Variants in BCL6 observed in about 807,000 individuals in gnomAD.
BCL6 encodes B-cell lymphoma 6 protein.
Under a neutral mutation model 59.5 loss-of-function variants are expected in BCL6, and 7 were observed. The observed-to-expected ratio is 0.12, with a 90% CI of 0.07 to 0.22. The LOEUF (loss-of-function observed/expected upper bound fraction) is 0.22. BCL6 is among the 10% of genes least tolerant of loss of function. The pLI is 1.00. For synonymous variants in BCL6, 339 were observed against 349.7 expected, an observed-to-expected ratio of 0.97 and a Z score of 0.34; for missense variants, 685 against 939.4, an observed-to-expected ratio of 0.73 and a Z score of 3.54.
At position 187,725,814 on chromosome 3, in the gene BCL6, C is replaced by G. The variant is rs551371832; in HGVS notation, c.1709-185G>C. On this transcript the variant is annotated intron_variant, in intron 7 of 9. Coordinates refer to ENST00000406870, the MANE Select transcript of BCL6 (RefSeq NM_001706.5). The surrounding 1 kb of genome is among the most constrained non-coding windows in gnomAD (Gnocchi z 4.7). ...CCACATCTGTCAGCCCTCTCTCACA[C>G]ACGCACCTGCATACCTCGCAGGGGA... Among the ~76,000 whole-genome samples the G allele has an allele frequency of 7.2e-5, 11 of 152,222 alleles. No homozygotes were observed. Among genetic ancestry groups the G allele is most frequent in the Non-Finnish European group, 1.5e-4 (10 of 68,036 alleles).
Position 187,726,735 on chromosome 3 carries a change from A to G in BCL6, c.1704T>C (p.His568=). 1 of 1,613,834 alleles carries G rather than the reference A, an allele frequency of 6.2e-7. No individual in the cohort carries two copies. Among genetic ancestry groups the G allele is most frequent in the South Asian group, 1.1e-5 (1 of 91,050 alleles). The stretch of plus-strand genomic sequence containing the variant: ...TCGTGTGGGGCAGGGCCATACCGGT[A>G]TGGACGGTCTTGTGGCTGGCGAGGT... ...KGNLASHKTV[H]TGEKPYRCNI... is the part of the protein sequence containing the mutation. The change falls in exon 7 of 10, where the codon CAT becomes CAC. Residue 568 remains histidine, a synonymous_variant. Coordinates refer to ENST00000406870, the MANE Select transcript of BCL6 (RefSeq NM_001706.5).
In BCL6 at chr3:187,725,902, G is replaced by A. The variant is rs1188795625; in HGVS notation, c.1709-273C>T. 6.6e-6 allele frequency among the ~76,000 whole-genome samples: 1 copy of A among 152,214 alleles called. No individual in the cohort carries two copies. The highest frequency in any genetic ancestry group is 6.5e-5 in the Admixed American group (1 of 15,278). On this transcript the variant is annotated intron_variant, in intron 7 of 9. Coordinates refer to ENST00000406870, the MANE Select transcript of BCL6 (RefSeq NM_001706.5). The surrounding 1 kb of genome is among the most constrained non-coding windows in gnomAD (Gnocchi z 4.7). ...CAATGCCAGGTGTGGGATAGGAGAG[G>A]GGGAGATTCCAGGAAGCCTGGGCTT...
intron 4 of BCL6, 133 bp from the exon 5 acceptor site, chr3:187,730,154 G>A: frequency 7.9e-7 from 1 of 1,262,310 alleles, no homozygotes; most frequent in Non-Finnish European, 1.1e-6. Context: ...TCTGGAGCAG[G>A]GAACCACAAT....
intron 9 of BCL6, among the ~76,000 whole-genome samples, chr3:187,723,675 C>G (rs1016253052): frequency 5.9e-5 from 9 of 152,106 alleles, no homozygotes; most frequent in African/African-American, 2.2e-4. Flanking sequence ...TGAGCAGGGC[C>G]ATGTGTAAAC....
At position 187,745,143 on chromosome 3, in the gene BCL6, C is replaced by T. The variant is rs554027355; in HGVS notation, c.-50+267G>A. ...AACAATAATAATAATAAATACATAACAATCTATATCCTATGGTGGGAGAGA... is the reference window on the plus strand; with the variant it reads ...AACAATAATAATAATAAATACATAATAATCTATATCCTATGGTGGGAGAGA... On this transcript the variant is annotated intron_variant, in intron 1 of 9. Coordinates refer to ENST00000406870, the MANE Select transcript of BCL6 (RefSeq NM_001706.5). Among the ~76,000 whole-genome samples, 7 of 152,162 alleles carry T rather than the reference C, an allele frequency of 4.6e-5. No individual in the cohort carries two copies. In the East Asian group the frequency reaches 5.8e-4, roughly 13 times the overall value.
chr3:187,745,022 C>T (rs935183172), intron 1 of BCL6, among the ~76,000 whole-genome samples: 6 of 151,888 alleles, frequency 4.0e-5, no homozygotes, highest in South Asian at 4.2e-4. Context: ...CCCCCTAATT[C>T]CCCTCCTTCC....
At chr3:187,744,223 A>T (rs577976051) in intron 1 of BCL6, among the ~76,000 whole-genome samples, 1 of 152,134 alleles carries the variant, frequency 6.6e-6, no homozygotes, top group African/African-American at 2.4e-5. Context: ...AGCGGCCAGA[A>T]ATCCCGCCAC....
intron 1 of BCL6, among the ~76,000 whole-genome samples, chr3:187,745,119 A>G (rs71322492): frequency 2.6e-5 from 4 of 152,246 alleles, no homozygotes; most frequent in Middle Eastern, 3.4e-3. Context: ...CTCAAAGACA[A>G]CAATAATAAT....
chr3:187,723,564 T>A (rs1199976975), intron 9 of BCL6, among the ~76,000 whole-genome samples: 1 of 152,214 alleles, frequency 6.6e-6, no homozygotes, highest in African/African-American at 2.4e-5. Context: ...AACTTTTCTA[T>A]AAATCTAAAA....
In BCL6 at chr3:187,721,597, C is replaced by CCAT. The variant is rs1200820607; in HGVS notation, c.*858_*860dup. The CCAT allele has an allele frequency of 4.3e-6, 1 of 233,080 alleles. No homozygotes were observed. Among genetic ancestry groups the CCAT allele is most frequent in the Non-Finnish European group, 8.5e-6 (1 of 117,792 alleles). 14.4% of individuals were successfully genotyped at this position (233,080 alleles called of 1,614,324 possible). ...TCAAAAAGGGATGGTGCACGCTCGCCCATCATTGAAAACTTCCGTGAAAAA... is the reference window on the plus strand; with the variant it reads ...TCAAAAAGGGATGGTGCACGCTCGCCCATCATCATTGAAAACTTCCGTGAAAAA... On this transcript the variant is annotated 3_prime_UTR_variant, in exon 10 of 10. Transcript: ENST00000406870. This position sits in a 1 kb window ranked among gnomAD's most constrained non-coding sequence, Gnocchi z 4.2.
chr3:187,734,550 C>G (rs1443933466), intron 2 of BCL6: 1 of 152,232 alleles, frequency 6.6e-6, no homozygotes, highest in African/African-American at 2.4e-5. Flanking sequence ...TTCATCATCT[C>G]AGTCACCATT....
At chr3:187,732,307 T>A (rs1719086188) in intron 3 of BCL6, 5 of 395,298 alleles carry the variant, frequency 1.3e-5, no homozygotes, top group South Asian at 7.8e-5. Context: ...TCTACCTTTG[T>A]CATAAGCATT....
chr3:187,731,782 C>T lies in BCL6; in HGVS notation c.310G>A (p.Ala104Thr). 1.2e-6 allele frequency: 2 copies of T among 1,614,166 alleles called. No homozygotes were observed. The highest frequency in any genetic ancestry group is 1.7e-6 in the Non-Finnish European group (2 of 1,180,044). ...AGGTACATAGCCGTGGCCATCACAG[C>T]CATGATGTTGCCCTCCCGCAAATTG... ...RLNLREGNIMAVMATAMYLQM... is the reference protein window; with the variant it reads ...RLNLREGNIMTVMATAMYLQM... Residue 104 changes from alanine to threonine, a missense_variant, in exon 4 of 10, where the codon GCT (alanine) becomes ACT (threonine). Coordinates refer to ENST00000406870, the MANE Select transcript of BCL6 (RefSeq NM_001706.5).
At chr3:187,745,270 G>A (rs184021716) in intron 1 of BCL6, 140 bp downstream of exon 1, 4 of 398,180 alleles carry the variant, frequency 1.0e-5, no homozygotes, top group South Asian at 2.5e-4. Context: ...TGGAGCCAAA[G>A]CATTTGGCAA....
At chr3:187,737,130 C>T (rs533517612) in intron 1 of BCL6, 2 of 152,354 alleles carry the variant, frequency 1.3e-5, no homozygotes, top group South Asian at 4.1e-4. Context: ...GACTTCCCAT[C>T]CCAATCTCCC....
At chr3:187,728,644 T>C in intron 5 of BCL6, 100 bp from the exon 6 acceptor site, 1 of 1,235,894 alleles carries the variant, frequency 8.1e-7, no homozygotes, top group Non-Finnish European at 1.1e-6. Flanking sequence ...AGAGCTGGGC[T>C]GCCCACTCAA....
At chr3:187,730,300 T>C (rs1192054680) in intron 4 of BCL6, among the ~76,000 whole-genome samples, 1 of 152,258 alleles carries the variant, frequency 6.6e-6, no homozygotes, top group Non-Finnish European at 1.5e-5. Flanking sequence ...CACATATCTA[T>C]GCATGTGTGT....
chr3:187,740,671 G>A (rs1266225962), intron 1 of BCL6, among the ~76,000 whole-genome samples: 1 of 152,140 alleles, frequency 6.6e-6, no homozygotes, highest in Non-Finnish European at 1.5e-5. Flanking sequence ...AAGCCTCCTC[G>A]TCGGGCCTGT....
At chr3:187,722,691 C>T (rs1579800633) in intron 9 of BCL6, 90 bp from the exon 10 acceptor site, 11 of 1,522,206 alleles carry the variant, frequency 7.2e-6, no homozygotes, top group Admixed American at 3.8e-5. Flanking sequence ...ATTCTCCCTA[C>T]GAGGGACTGG....
Sources: allele counts gnomAD v4.1 joint callset (sites outside exome capture counted in the v4.1 genomes callset), GRCh38; gene constraint gnomAD v4.1.1; non-coding constraint Gnocchi (gnomAD v3.1); transcripts MANE v1.5; gene names NCBI Gene and HGNC (gene_info 2026-07-23, HGNC 2026-07-21).